MGAT4A: variants seen among roughly 807,000 people sequenced by gnomAD.
MGAT4A encodes alpha-1,3-mannosyl-glycoprotein 4-beta-N-acetylglucosaminyltransferase A.
Under a neutral mutation model 74.1 loss-of-function variants are expected in MGAT4A, and 33 were observed. That is an observed-to-expected ratio of 0.45 (90% confidence interval 0.34 to 0.60). The LOEUF (loss-of-function observed/expected upper bound fraction) is 0.60, where lower values mean the gene tolerates loss of function less well. Among genes scored for constraint, MGAT4A ranks in the 20% least tolerant of loss-of-function variants. The pLI is 0.02. For synonymous variants in MGAT4A, 198 were observed against 210.4 expected (o/e 0.94, Z 0.51); for missense variants, 479 against 628.3 (o/e 0.76, Z 2.54).
chr2:98,650,756 G>A (rs1488998027), intron 8 of MGAT4A, among the ~76,000 whole-genome samples: 1 of 152,162 alleles, frequency 6.6e-6, no homozygotes, highest in Admixed American at 6.6e-5. Flanking sequence ...TTCGCGACCA[G>A]CCTGAACAAC....
Position 98,641,499 on chromosome 2 carries a change from C to CAAAA in MGAT4A, c.1021-1275_1021-1272dup, listed in dbSNP as rs1205460540. Among the ~76,000 whole-genome samples, 46 of 75,278 alleles carry CAAAA rather than the reference C, an allele frequency of 6.1e-4. No homozygotes were observed. In the East Asian group the frequency reaches 0.016, roughly 26 times the overall value. 49.4% of individuals were successfully genotyped at this position (75,278 alleles called of 152,430 possible). On this transcript the variant is annotated intron_variant, in intron 10 of 15. Coordinates refer to ENST00000393487, the MANE Select transcript of MGAT4A (RefSeq NM_012214.3). ...TGAAACCCCATCTCTACTAAAAATA[C>CAAAA]AAAAAAAAAAAAAAAAAAAAAAATT...
intron 4 of MGAT4A, among the ~76,000 whole-genome samples, chr2:98,671,860 A>C (rs1177554276): frequency 6.6e-6 from 1 of 150,466 alleles, no homozygotes; most frequent in African/African-American, 2.5e-5. Context: ...GAACAACAGA[A>C]TCAAGAGGGT....
At chr2:98,648,626 G>A (rs1701530884) in intron 8 of MGAT4A, among the ~76,000 whole-genome samples, 1 of 152,154 alleles carries the variant, frequency 6.6e-6, no homozygotes, top group East Asian at 1.9e-4. Context: ...GGCTGAGGTG[G>A]GAGGATCATA....
intron 2 of MGAT4A, chr2:98,725,815 CATTAGCATA>C: frequency 4.7e-6 from 1 of 211,984 alleles, no homozygotes; most frequent in Middle Eastern, 1.6e-3. Flanking sequence ...AGCACCCAAT[CATTAGCATA>C]ATTAGCATGT....
chr2:98,669,596 G>A (rs1701885855), intron 4 of MGAT4A, among the ~76,000 whole-genome samples: 2 of 152,062 alleles, frequency 1.3e-5, no homozygotes, highest in Non-Finnish European at 1.5e-5. Flanking sequence ...AAATTATTTA[G>A]CTTAAACCAG....
chr2:98,689,422 C>T (rs1435853157), intron 2 of MGAT4A, among the ~76,000 whole-genome samples: 1 of 152,152 alleles, frequency 6.6e-6, no homozygotes, highest in Non-Finnish European at 1.5e-5. Flanking sequence ...TGACAATATC[C>T]TTGAAGAACT....
intron 2 of MGAT4A, among the ~76,000 whole-genome samples, chr2:98,711,358 A>C (rs1702516680): frequency 6.6e-6 from 1 of 151,832 alleles, no homozygotes; most frequent in Non-Finnish European, 1.5e-5. Flanking sequence ...CTCAATGCTC[A>C]GTCAATAATC....
chr2:98,660,424 A>G (rs1008918341), intron 5 of MGAT4A, among the ~76,000 whole-genome samples: 3 of 36,050 alleles, frequency 8.3e-5, no homozygotes, highest in East Asian at 1.4e-3. Context: ...ACGCGCACAC[A>G]CACACACACA....
intron 8 of MGAT4A, among the ~76,000 whole-genome samples, chr2:98,652,298 C>A (rs1482959857): frequency 6.6e-6 from 1 of 151,778 alleles, no homozygotes; most frequent in Non-Finnish European, 1.5e-5. Context: ...CAAGACAGAC[C>A]ACATGTTAGG....
At chr2:98,712,467 C>T (rs1172283414) in intron 2 of MGAT4A, among the ~76,000 whole-genome samples, 1 of 152,114 alleles carries the variant, frequency 6.6e-6, no homozygotes, top group African/African-American at 2.4e-5. Context: ...AATATGTGCA[C>T]CAAAATACAG....
At chr2:98,727,423 C>G (rs546822796) in intron 1 of MGAT4A, among the ~76,000 whole-genome samples, 1 of 152,286 alleles carries the variant, frequency 6.6e-6, no homozygotes, top group East Asian at 1.9e-4. Context: ...CAAAAAATGT[C>G]AACTGTACTA....
chr2:98,630,757 C>G (rs556687016), intron 14 of MGAT4A, among the ~76,000 whole-genome samples: 14 of 152,222 alleles, frequency 9.2e-5, no homozygotes, highest in African/African-American at 3.1e-4. Flanking sequence ...CGAAGGGACA[C>G]AAATCATTAC....
chr2:98,721,978 G>A (rs1351131878), intron 2 of MGAT4A, among the ~76,000 whole-genome samples: 1 of 152,158 alleles, frequency 6.6e-6, no homozygotes, highest in Non-Finnish European at 1.5e-5. Flanking sequence ...TAAAAAGCAT[G>A]ATCCAATTAT....
intron 3 of MGAT4A, among the ~76,000 whole-genome samples, chr2:98,676,051 A>C (rs1043736857): frequency 2.0e-5 from 3 of 152,226 alleles, no homozygotes; most frequent in Non-Finnish European, 4.4e-5. Context: ...GGAACCAATG[A>C]ATCATTTAAT....
In MGAT4A at chr2:98,657,752, C is replaced by T. The variant is rs1464982419; in HGVS notation, c.584+466G>A. ...AATATCTGAAACTTACTAAGCTTTC[C>T]CTCTGTTACCTACCATGTGCCTCGC... On this transcript the variant is annotated intron_variant, in intron 6 of 15. Coordinates refer to ENST00000393487, the MANE Select transcript of MGAT4A (RefSeq NM_012214.3). Among the ~76,000 whole-genome samples, 3 of 152,154 alleles carry T rather than the reference C, an allele frequency of 2.0e-5. No homozygotes were observed. The East Asian group carries it at 5.8e-4, about 29-fold the overall frequency.
At chr2:98,671,690 A>T (rs1009878392) in intron 4 of MGAT4A, among the ~76,000 whole-genome samples, 1 of 152,182 alleles carries the variant, frequency 6.6e-6, no homozygotes, top group Non-Finnish European at 1.5e-5. Context: ...TAATTCCTGG[A>T]GCCTCTGAAT....
intron 2 of MGAT4A, among the ~76,000 whole-genome samples, chr2:98,702,816 C>G (rs140728796): frequency 2.6e-4 from 39 of 152,306 alleles, no homozygotes; most frequent in African/African-American, 8.9e-4. Context: ...ACAGAGACAT[C>G]CAGAGTCAGA....
chr2:98,724,790 CA>C (rs753708649), intron 2 of MGAT4A, among the ~76,000 whole-genome samples: 92 of 138,660 alleles, frequency 6.6e-4, no homozygotes, highest in Admixed American at 7.2e-4. Flanking sequence ...AAGTTTCCTA[CA>C]AAAAAAAAAA....
Position 98,623,614 on chromosome 2 carries a change from C to T in MGAT4A, c.*1952G>A. 2.0e-6 allele frequency: 2 copies of T among 985,128 alleles called. No individual in the cohort carries two copies. Among genetic ancestry groups the T allele is most frequent in the Non-Finnish European group, 2.4e-6 (2 of 829,728 alleles). 61.0% of individuals were successfully genotyped at this position (985,128 alleles called of 1,614,324 possible). A position where few individuals can be genotyped will look rare whatever the true frequency, so the allele number is the denominator to read the frequency against. On this transcript the variant is annotated 3_prime_UTR_variant, in exon 16 of 16. Transcript: ENST00000393487. Reference sequence around the variant, plus strand: ...AAGAAAGTGAAAAGTAAATTTAAAACATCCTAATAAAAAAATTTCAACTGG... The same window carrying T: ...AAGAAAGTGAAAAGTAAATTTAAAATATCCTAATAAAAAAATTTCAACTGG...
Sources: gnomAD v4.1 joint callset for allele counts (sites outside exome capture counted in the v4.1 genomes callset) on GRCh38, gnomAD v4.1.1 for gene constraint, MANE v1.5 for transcripts, NCBI Gene and HGNC (gene_info 2026-07-23, HGNC 2026-07-21) for gene names.